The following FREM2 variants were observed in gnomAD, a reference collection of about 807,000 sequenced individuals.
FREM2 encodes FRAS1 related extracellular matrix 2, also known as FRAS1-related extracellular matrix protein 2.
FREM2 carries 119 observed loss-of-function variants against 219.9 expected under a neutral mutation model. The observed-to-expected ratio is 0.54, with a 90% CI of 0.47 to 0.63. The LOEUF is 0.63. FREM2 is among the 30% of genes least tolerant of loss of function. The pLI, the probability that FREM2 is intolerant of heterozygous loss-of-function variation, is 0.00. For synonymous variants in FREM2, 1,562 were observed against 1,522.8 expected (o/e 1.03, Z -0.60); for missense variants, 4,030 against 3,993.6 (o/e 1.01, Z -0.25).
At chr13:38,809,343 A>G (rs2137861113) in intron 6 of FREM2, among the ~76,000 whole-genome samples, 1 of 151,316 alleles carries the variant, frequency 6.6e-6, no homozygotes, top group South Asian at 2.1e-4. Flanking sequence ...TAGTAGGTGT[A>G]TATATTTTTG....
chr13:38,800,672 C>G (rs1301289719), intron 6 of FREM2, among the ~76,000 whole-genome samples: 2 of 152,180 alleles, frequency 1.3e-5, no homozygotes, highest in African/African-American at 4.8e-5. Flanking sequence ...CTTTGTCACC[C>G]AGGCTGGAAT....
intron 2 of FREM2, among the ~76,000 whole-genome samples, chr13:38,754,592 C>A (rs1872906102): frequency 6.6e-6 from 1 of 152,084 alleles, no homozygotes; most frequent in African/African-American, 2.4e-5. Flanking sequence ...GTGGAAATAC[C>A]TAAATTGCAG....
Position 38,689,382 on chromosome 13 carries a change from C to A in FREM2, c.2038C>A (p.Pro680Thr). The A allele has an allele frequency of 6.2e-7, 1 of 1,614,088 alleles. No homozygotes were observed. Among genetic ancestry groups the A allele is most frequent in the Non-Finnish European group, 8.5e-7 (1 of 1,180,010 alleles). Residue 680 changes from proline (P) to threonine (T), a missense_variant, in exon 1 of 24, where the codon CCT (proline) becomes ACT (threonine). Pro to Thr is a conservative substitution (Grantham distance 38). Transcript: ENST00000280481. ...FTFRVQDNHD[P>T]PNQSGLQRFV... ...ATTTAGAGTCCAGGATAACCATGAC[C>A]CTCCTAATCAGTCCGGGCTACAGCG...
In FREM2 at chr13:38,688,315, C is replaced by G. The variant is rs749404892; in HGVS notation, c.971C>G (p.Ala324Gly). The G allele has an allele frequency of 6.2e-6, 10 of 1,614,168 alleles. No individual in the cohort carries two copies. The South Asian group carries it at 1.1e-4, about 18-fold the overall frequency. Residue 324 changes from alanine to glycine, a missense_variant, in exon 1 of 24, where the codon GCC becomes GGC. By Grantham distance (60) the Ala-to-Gly change is moderately conservative. Around this residue, in one of 2 missense-constraint regions of FREM2, gnomAD observed 3,102 missense variants for 2,950.7 expected, o/e 1.05. Coordinates refer to ENST00000280481, the MANE Select transcript of FREM2 (RefSeq NM_207361.6). ...ENTAPKPSFV[A>G]MMMMEVDQFV... ...ACTGCACCCAAGCCCAGTTTCGTGG[C>G]CATGATGATGATGGAGGTGGACCAG...
At position 38,881,848 on chromosome 13, in the gene FREM2, A is replaced by G. The variant is rs886050195; in HGVS notation, c.*1061A>G. On this transcript the variant is annotated 3_prime_UTR_variant, in exon 24 of 24. Transcript: ENST00000280481. Reference sequence around the variant, plus strand: ...TCCCTCGGAGTAGCGTAATCACACAATAACATTTAGAACTTAAATTGGCTA... The same window carrying G: ...TCCCTCGGAGTAGCGTAATCACACAGTAACATTTAGAACTTAAATTGGCTA... 3 of 152,186 alleles carry G rather than the reference A, an allele frequency of 2.0e-5. No individual in the cohort carries two copies. The highest frequency in any genetic ancestry group is 2.0e-4 in the Admixed American group (3 of 15,270). 9.4% of individuals were successfully genotyped at this position (152,186 alleles called of 1,614,324 possible).
intron 2 of FREM2, among the ~76,000 whole-genome samples, chr13:38,763,464 C>CTTTTTTTTTTTTTTTT (rs1163604743): frequency 1.3e-4 from 13 of 102,356 alleles, no homozygotes; most frequent in African/African-American, 1.4e-4. Context: ...GTTACTTGGG[C>CTTTTTTTTTTTTTTTT]TTTTTTTTTT....
intron 1 of FREM2, 52 bp downstream of exon 1, chr13:38,692,569 T>A: frequency 6.3e-7 from 1 of 1,585,786 alleles, no homozygotes; most frequent in Non-Finnish European, 8.6e-7. Flanking sequence ...AGAATGTGGC[T>A]TCACTAAAAG....
At chr13:38,865,416 T>C (rs1401448761) in intron 16 of FREM2, among the ~76,000 whole-genome samples, 1 of 152,232 alleles carries the variant, frequency 6.6e-6, no homozygotes, top group Non-Finnish European at 1.5e-5. Flanking sequence ...AGCAATGCTA[T>C]AATCTTACCT....
chr13:38,788,105 A>G (rs1184100692), intron 6 of FREM2, among the ~76,000 whole-genome samples: 2 of 152,132 alleles, frequency 1.3e-5, no homozygotes, highest in Non-Finnish European at 2.9e-5. Context: ...GCACTCATTT[A>G]GAGGGTTATT....
intron 6 of FREM2, among the ~76,000 whole-genome samples, chr13:38,788,637 T>C (rs1874428040): frequency 1.3e-5 from 2 of 152,168 alleles, no homozygotes; most frequent in South Asian, 4.1e-4. Flanking sequence ...TATCACAGTT[T>C]GTCTTTTCTT....
At chr13:38,877,271 T>C (rs1878374266) in intron 21 of FREM2, 28 bp downstream of exon 21, 2 of 1,611,774 alleles carry the variant, frequency 1.2e-6, no homozygotes, top group Non-Finnish European at 8.5e-7. Flanking sequence ...AGAGGGATGC[T>C]CTGTTTGTCA....
Position 38,848,777 on chromosome 13 carries a change from G to A in FREM2, c.6379+107G>A. ...ATTATATATATTTGTTTGTTTGCTA[G>A]GGCTTCCATAACAAAGTAGCACTGT... On this transcript the variant is annotated intron_variant, in intron 8 of 23. Coordinates refer to ENST00000280481, the MANE Select transcript of FREM2 (RefSeq NM_207361.6). 2.9e-6 allele frequency: 3 copies of A among 1,020,632 alleles called. 1 individual carries two copies. The South Asian group carries it at 4.5e-5, about 15-fold the overall frequency. The allele number at this position is 1,020,632 out of a possible 1,614,324, so 63.2% of individuals were successfully genotyped here. A position where few individuals can be genotyped will look rare whatever the true frequency, so the allele number is the denominator to read the frequency against.
At chr13:38,856,755 TA>T (rs1877576503) in intron 12 of FREM2, among the ~76,000 whole-genome samples, 1 of 151,368 alleles carries the variant, frequency 6.6e-6, no homozygotes, top group African/African-American at 2.5e-5. Context: ...TCTTGTTTTC[TA>T]TACTTACTTA....
chr13:38,729,290 G>T (rs1411777240), intron 2 of FREM2, among the ~76,000 whole-genome samples: 1 of 151,992 alleles, frequency 6.6e-6, no homozygotes, highest in African/African-American at 2.4e-5. Context: ...TTCTGTGTGT[G>T]TCTATGACAT....
chr13:38,794,476 A>ATTTCACC (rs1209806012), intron 6 of FREM2, among the ~76,000 whole-genome samples: 1 of 152,188 alleles, frequency 6.6e-6, no homozygotes, highest in Non-Finnish European at 1.5e-5. Flanking sequence ...ACGTGCAAAT[A>ATTTCACC]TTTCACCAAT....
chr13:38,784,928 G>C, intron 6 of FREM2, 120 bp downstream of exon 6: 1 of 1,153,356 alleles, frequency 8.7e-7, no homozygotes, highest in Non-Finnish European at 1.2e-6. Flanking sequence ...TTTTATGTTT[G>C]GTTTTTTCAT....
chr13:38,751,896 GT>G (rs138598623), intron 2 of FREM2, among the ~76,000 whole-genome samples: 1 of 100,150 alleles, frequency 1.0e-5, no homozygotes, highest in East Asian at 3.3e-4. Flanking sequence ...GTGTGTGTGT[GT>G]TTTCCTTTTG....
chr13:38,827,710 C>T (rs550794932), intron 6 of FREM2: 73 of 152,224 alleles, frequency 4.8e-4, no homozygotes, highest in African/African-American at 1.6e-3. Context: ...AAGACACAAA[C>T]TTTGCAGGAC....
rs753388275 is a variant in FREM2 at position 38,688,253 on chromosome 13, C to T, written c.909C>T (p.Phe303=). ...VGSPALKREH[F]QVLVRIRGGA... ...GCCCTGCTTTGAAACGCGAGCACTT[C>T]CAGGTTCTGGTGAGGATCCGAGGAG... The change falls in exon 1 of 24, where the codon TTC becomes TTT. Residue 303 remains phenylalanine, a synonymous_variant. Transcript: ENST00000280481. The T allele has an allele frequency of 2.5e-6, 4 of 1,613,852 alleles. No individual in the cohort carries two copies. Among genetic ancestry groups the T allele is most frequent in the Non-Finnish European group, 2.5e-6 (3 of 1,180,032 alleles).
Sources: gnomAD v4.1 joint callset for allele counts (sites outside exome capture counted in the v4.1 genomes callset) on GRCh38, gnomAD v4.1.1 for gene constraint, gnomAD v4.1.1 regional missense constraint, MANE v1.5 for transcripts, NCBI Gene and HGNC (gene_info 2026-07-23, HGNC 2026-07-21) for gene names.